Variants in TRIM67 observed in about 807,000 individuals in gnomAD.
TRIM67 encodes the protein tripartite motif-containing protein 67.
A neutral mutation model predicts 71.0 loss-of-function variants in TRIM67; 39 were observed. That is an observed-to-expected ratio of 0.55 (90% CI 0.43 to 0.72). TRIM67 has a LOEUF of 0.72. Among genes scored for constraint, TRIM67 ranks in the 30% least tolerant of loss-of-function variants. TRIM67 has a pLI of 0.00. For synonymous variants in TRIM67, 481 were observed against 473.9 expected (o/e 1.01, Z -0.19); for missense variants, 973 against 1,079.2 (o/e 0.90, Z 1.38).
At chr1:231,190,559 G>A (rs747677205) in intron 1 of TRIM67, among the ~76,000 whole-genome samples, 6 of 152,162 alleles carry the variant, frequency 3.9e-5, no homozygotes, top group East Asian at 3.9e-4. Context: ...GGCCCCCGGC[G>A]TAACATACCA....
chr1:231,203,152 TA>T (rs3215760), intron 5 of TRIM67, among the ~76,000 whole-genome samples: 5 of 150,908 alleles, frequency 3.3e-5, no homozygotes, highest in Middle Eastern at 6.9e-3. Context: ...CCCTTAAAAA[TA>T]AAAAAAAAGG....
chr1:231,187,490 C>T (rs1441303193), intron 1 of TRIM67: 1 of 1,504,592 alleles, frequency 6.6e-7, no homozygotes, highest in Admixed American at 2.2e-5. Flanking sequence ...TTATTATCAG[C>T]CACAGGTTAA....
chr1:231,194,807 C>T (rs1004910449), intron 1 of TRIM67, among the ~76,000 whole-genome samples: 3 of 152,124 alleles, frequency 2.0e-5, no homozygotes, highest in Non-Finnish European at 4.4e-5. Flanking sequence ...CCCAGCCTCC[C>T]GAGTAGCTGG....
At chr1:231,170,038 G>A (rs1384765608) in intron 1 of TRIM67, among the ~76,000 whole-genome samples, 9 of 137,584 alleles carry the variant, frequency 6.5e-5, no homozygotes, top group African/African-American at 2.4e-4. Flanking sequence ...CCAGGCTGGA[G>A]TGCAGTGGTG....
chr1:231,203,000 C>G (rs1558304599), intron 5 of TRIM67, among the ~76,000 whole-genome samples: 1 of 152,118 alleles, frequency 6.6e-6, no homozygotes, highest in East Asian at 1.9e-4. Context: ...AGCAGAGCAG[C>G]AGGGCCCAGG....
In TRIM67 at chr1:231,204,108, A is replaced by G. The variant is rs915292608; in HGVS notation, c.1680+96A>G. The G allele has an allele frequency of 2.3e-5, 35 of 1,535,170 alleles. No homozygotes were observed. In the African/African-American group the frequency reaches 3.8e-4, roughly 17 times the overall value. On this transcript the variant is annotated intron_variant, in intron 6 of 9. Transcript: ENST00000366653. ...CCAGACTCTGGTTCAGCCCATGGGG[A>G]CATTGTGTTGCCATCCTGAGGGGAC...
At chr1:231,204,841 A>G (rs148093200) in intron 6 of TRIM67, among the ~76,000 whole-genome samples, 193 of 152,340 alleles carry the variant, frequency 1.3e-3, no homozygotes, top group African/African-American at 4.5e-3. Context: ...GTTTCTCTCA[A>G]AGAGATGTAC....
At position 231,163,346 on chromosome 1, in the gene TRIM67, G is replaced by T. The variant is rs936137892; in HGVS notation, c.377G>T (p.Arg126Leu). The change falls in exon 1 of 10, where the codon CGC (arginine) becomes CTC (leucine). Residue 126 changes from arginine to leucine, a missense_variant. By Grantham distance (102) the Arg-to-Leu change is moderately radical. This residue lies in a region of TRIM67 where 795 missense variants were observed against 831.3 expected (regional missense o/e 0.96). Coordinates refer to ENST00000366653, the MANE Select transcript of TRIM67 (RefSeq NM_001004342.5). ...AGCCTCAAGTCCCCCAACGGGGTTCGCGTGCTGCCCATGGTGCCCGCACCA... is the reference window on the plus strand; with the variant it reads ...AGCCTCAAGTCCCCCAACGGGGTTCTCGTGCTGCCCATGGTGCCCGCACCA... ...TPSLKSPNGV[R>L]VLPMVPAPPG... 16 of 1,529,228 alleles carry T rather than the reference G, an allele frequency of 1.0e-5. No individual in the cohort carries two copies. Among genetic ancestry groups the T allele is most frequent in the African/African-American group, 1.4e-5 (1 of 70,356 alleles). 94.7% of individuals were successfully genotyped at this position (1,529,228 alleles called of 1,614,324 possible).
chr1:231,170,084 T>C lies in TRIM67; in HGVS notation c.1044+6071T>C, dbSNP rs544420063. 2.8e-3 allele frequency among the ~76,000 whole-genome samples: 420 copies of C among 150,418 alleles called. 3 individuals carry two copies. Among genetic ancestry groups the C allele is most frequent in the African/African-American group, 0.01 (408 of 40,272 alleles). Reference sequence around the variant, plus strand: ...TCACTGCAACCTCCGCCTCCTGGGTTCAAGAGATTCTCCTGCTTCAGCCTC... The same window carrying C: ...TCACTGCAACCTCCGCCTCCTGGGTCCAAGAGATTCTCCTGCTTCAGCCTC... On this transcript the variant is annotated intron_variant, in intron 1 of 9. Transcript: ENST00000366653.
chr1:231,164,613 A>G (rs920902224), intron 1 of TRIM67, among the ~76,000 whole-genome samples: 2 of 152,234 alleles, frequency 1.3e-5, no homozygotes, highest in African/African-American at 4.8e-5. Context: ...GCAGAGTTAG[A>G]ATCTTGTGGG....
At chr1:231,203,178 A>C (rs562791979) in intron 5 of TRIM67, among the ~76,000 whole-genome samples, 1 of 152,334 alleles carries the variant, frequency 6.6e-6, no homozygotes, top group Admixed American at 6.5e-5. Flanking sequence ...AGTGGACTCT[A>C]TCGATTTCTA....
Position 231,217,497 on chromosome 1 carries a change from A to G in TRIM67, c.*2057A>G. 5.0e-6 allele frequency: 5 copies of G among 1,004,372 alleles called. No homozygotes were observed. The highest frequency in any genetic ancestry group is 5.9e-6 in the Non-Finnish European group (5 of 841,298). 62.2% of individuals were successfully genotyped at this position (1,004,372 alleles called of 1,614,324 possible). On this transcript the variant is annotated 3_prime_UTR_variant, in exon 10 of 10. Coordinates refer to ENST00000366653, the MANE Select transcript of TRIM67 (RefSeq NM_001004342.5). ...TGGGTGGCCTTTGCTTGGAGCATGG[A>G]GACGATCCCTAAAGATTGAGGATGA...
At position 231,215,905 on chromosome 1, in the gene TRIM67, G is replaced by A. The variant is rs895779442; in HGVS notation, c.*465G>A. 14 of 991,728 alleles carry A rather than the reference G, an allele frequency of 1.4e-5. No individual in the cohort carries two copies. Among genetic ancestry groups the A allele is most frequent in the Middle Eastern group, 5.1e-4 (1 of 1,962 alleles). The allele number at this position is 991,728 out of a possible 1,614,324, so 61.4% of individuals were successfully genotyped here. A position where few individuals can be genotyped will look rare whatever the true frequency, so the allele number is the denominator to read the frequency against. On this transcript the variant is annotated 3_prime_UTR_variant, in exon 10 of 10. Coordinates refer to ENST00000366653, the MANE Select transcript of TRIM67 (RefSeq NM_001004342.5). ...GGGGACCTTGCCTCCTCAGAGTCCC[G>A]AGATTGCAGATTCTCATCATGCTGA... is the stretch of plus-strand genomic sequence containing the variant.
chr1:231,192,531 TC>T (rs1475627113), intron 1 of TRIM67, among the ~76,000 whole-genome samples: 1 of 152,234 alleles, frequency 6.6e-6, no homozygotes, highest in African/African-American at 2.4e-5. Flanking sequence ...AAACCTTTGC[TC>T]TTTTTCCACT....
chr1:231,220,099 A>G lies in TRIM67; in HGVS notation c.*4659A>G. ...GGATTATACAATAACATTTTTAAAG[A>G]AAAAAAGTGCAGTCTTTCATCTCTG... is the stretch of plus-strand genomic sequence containing the variant. On this transcript the variant is annotated 3_prime_UTR_variant, in exon 10 of 10. Transcript: ENST00000366653. 1.7e-6 allele frequency: 1 copy of G among 600,682 alleles called. No homozygotes were observed. Among genetic ancestry groups the G allele is most frequent in the Non-Finnish European group, 2.6e-6 (1 of 385,724 alleles). The allele number at this position is 600,682 out of a possible 1,614,324, so 37.2% of individuals were successfully genotyped here.
chr1:231,199,302 C>A, intron 3 of TRIM67, 133 bp downstream of exon 3: 1 of 898,174 alleles, frequency 1.1e-6, no homozygotes. Context: ...ATGAATGAGG[C>A]AAGGAAGGGA....
At position 231,217,293 on chromosome 1, in the gene TRIM67, G is replaced by A; in HGVS notation, c.*1853G>A. On this transcript the variant is annotated 3_prime_UTR_variant, in exon 10 of 10. Transcript: ENST00000366653. ...CCTGGGAGCTATCTGCTTCATGGAA[G>A]TCTAGGTCTTGCCTCTTCCTTGTCA... is the stretch of plus-strand genomic sequence containing the variant. 2 of 986,200 alleles carry A rather than the reference G, an allele frequency of 2.0e-6. No homozygotes were observed. Among genetic ancestry groups the A allele is most frequent in the Non-Finnish European group, 2.4e-6 (2 of 830,310 alleles). The allele number at this position is 986,200 out of a possible 1,614,324, so 61.1% of individuals were successfully genotyped here.
At chr1:231,204,694 C>G (rs530732182) in intron 6 of TRIM67, among the ~76,000 whole-genome samples, 22 of 152,302 alleles carry the variant, frequency 1.4e-4, no homozygotes, top group African/African-American at 5.1e-4. Flanking sequence ...CTTCTCAGAT[C>G]ACCTGGTTCC....
rs1684089045 is a variant in TRIM67 at position 231,219,411 on chromosome 1, T to C, written c.*3971T>C. 8 of 1,013,504 alleles carry C rather than the reference T, an allele frequency of 7.9e-6. No homozygotes were observed. In the South Asian group the frequency reaches 3.3e-4, roughly 41 times the overall value. 62.8% of individuals were successfully genotyped at this position (1,013,504 alleles called of 1,614,324 possible). ...TGGATCTGTAGAGGGACTGTGGCGCTCCGGCTGCTTTGTTCCATAGAAAGC... is the reference window on the plus strand; with the variant it reads ...TGGATCTGTAGAGGGACTGTGGCGCCCCGGCTGCTTTGTTCCATAGAAAGC... On this transcript the variant is annotated 3_prime_UTR_variant, in exon 10 of 10. Coordinates refer to ENST00000366653, the MANE Select transcript of TRIM67 (RefSeq NM_001004342.5).
Sources: gnomAD v4.1 joint callset for allele counts (sites outside exome capture counted in the v4.1 genomes callset) on GRCh38, gnomAD v4.1.1 for gene constraint, gnomAD v4.1.1 regional missense constraint, MANE v1.5 for transcripts, NCBI Gene and HGNC (gene_info 2026-07-23, HGNC 2026-07-21) for gene names.